TENM4: variants seen among roughly 807,000 people sequenced by gnomAD.
TENM4 encodes the protein teneurin transmembrane protein 4.
A neutral mutation model predicts 243.3 loss-of-function variants in TENM4; 82 were observed. That is an observed-to-expected ratio of 0.34 (90% confidence interval 0.28 to 0.40). TENM4 has a LOEUF of 0.40. Among genes scored for constraint, TENM4 ranks in the 10% least tolerant of loss-of-function variants. The pLI, the probability that TENM4 is intolerant of heterozygous loss-of-function variation, is 1.00. For synonymous variants in TENM4, 1,412 were observed against 1,456.3 expected (o/e 0.97, Z 0.69); for missense variants, 3,138 against 3,673.3 (o/e 0.85, Z 3.77).
intron 1 of TENM4, among the ~76,000 whole-genome samples, chr11:79,415,771 A>T (rs960915876): frequency 6.6e-6 from 1 of 152,224 alleles, no homozygotes; most frequent in African/African-American, 2.4e-5. Flanking sequence ...GTACATGTTT[A>T]AATTGCACAA....
chr11:79,251,548 G>T (rs1855611929), intron 2 of TENM4, among the ~76,000 whole-genome samples: 1 of 152,098 alleles, frequency 6.6e-6, no homozygotes, highest in Admixed American at 6.5e-5. Flanking sequence ...CTTGAATGCA[G>T]GGAAATCCCA....
At position 78,996,862 on chromosome 11, in the gene TENM4, G is replaced by T. The variant is rs549865313; in HGVS notation, c.493+67876C>A. On this transcript the variant is annotated intron_variant, in intron 6 of 33. Transcript: ENST00000278550. ...GGTGGTCTTGTGGAGGGCTCCAGCT[G>T]TAAGGGCCGGGGCATGGTTCCACCT... Among the ~76,000 whole-genome samples, 3 of 152,310 alleles carry T rather than the reference G, an allele frequency of 2.0e-5. No homozygotes were observed. The South Asian group carries it at 6.2e-4, about 32-fold the overall frequency.
rs80121053 is a variant in TENM4, at chr11:79,260,720, T to C, written c.-265+36768A>G. On this transcript the variant is annotated intron_variant, in intron 2 of 33. Transcript: ENST00000278550. ...CTTCTTCCTCCTCAAGCAGCACGCC[T>C]CCGGTGCCAACTCAAGGCTCTCCAA... 1.9e-3 allele frequency among the ~76,000 whole-genome samples: 287 copies of C among 152,242 alleles called. 8 individuals carry two copies. The East Asian group carries it at 0.05, about 27-fold the overall frequency.
chr11:79,190,048 C>G (rs1863449249), intron 3 of TENM4, among the ~76,000 whole-genome samples: 1 of 152,210 alleles, frequency 6.6e-6, no homozygotes, highest in Non-Finnish European at 1.5e-5. Context: ...ACCTTCAGTC[C>G]AAGCAACGTG....
intron 10 of TENM4, among the ~76,000 whole-genome samples, chr11:78,861,875 C>T (rs1288959843): frequency 1.3e-5 from 2 of 152,164 alleles, no homozygotes; most frequent in African/African-American, 4.8e-5. Flanking sequence ...GAAAGCAGGC[C>T]ATAGCAGGTG....
intron 17 of TENM4, among the ~76,000 whole-genome samples, chr11:78,775,797 G>A (rs1415185320): frequency 2.0e-5 from 3 of 152,168 alleles, no homozygotes; most frequent in African/African-American, 7.2e-5. Flanking sequence ...TAATTTTAAA[G>A]TTTAGAGAAG....
chr11:79,196,165 G>A (rs1302473611), intron 3 of TENM4, among the ~76,000 whole-genome samples: 1 of 152,002 alleles, frequency 6.6e-6, no homozygotes, highest in African/African-American at 2.4e-5. Context: ...ACTTCTTTTT[G>A]TTCCCAGTTT....
chr11:78,723,768 G>A (rs1173665376), intron 23 of TENM4, among the ~76,000 whole-genome samples: 1 of 152,210 alleles, frequency 6.6e-6, no homozygotes, highest in African/African-American at 2.4e-5. Context: ...GCCCAAGTGA[G>A]CTGTGCTCTT....
rs375389326 is a variant in TENM4 at position 78,786,947 on chromosome 11, G to T, written c.2316C>A (p.Asp772Glu). Residue 772 changes from aspartate to glutamate, a missense_variant, in exon 16 of 34, where the codon GAC becomes GAA. Around this residue, in one of 2 missense-constraint regions of TENM4, gnomAD observed 2,467 missense variants for 3,059.1 expected, o/e 0.81. Coordinates refer to ENST00000278550, the MANE Select transcript of TENM4 (RefSeq NM_001098816.3). ...PRCAEHGTCRDGKCECSPGWN... is the reference protein window; with the variant it reads ...PRCAEHGTCREGKCECSPGWN... ...AGCCAGGGCTGCACTCGCACTTGCC[G>T]TCGCGGCAGGTCCCATGCTCGGCAC... 6.2e-7 allele frequency: 1 copy of T among 1,603,846 alleles called. No homozygotes were observed. Among genetic ancestry groups the T allele is most frequent in the Non-Finnish European group, 8.5e-7 (1 of 1,175,754 alleles).
At chr11:79,399,839 C>T (rs2135553866) in intron 1 of TENM4, among the ~76,000 whole-genome samples, 1 of 152,170 alleles carries the variant, frequency 6.6e-6, no homozygotes, top group South Asian at 2.1e-4. Context: ...GTTATAAAAC[C>T]TTCCTTGTCG....
At chr11:79,202,061 A>C (rs531425338) in intron 3 of TENM4, among the ~76,000 whole-genome samples, 45 of 152,264 alleles carry the variant, frequency 3.0e-4, no homozygotes, top group Admixed American at 2.7e-3. Context: ...CCACTGACTA[A>C]GATGGGAAGG....
chr11:78,827,060 G>A (rs1402380120), intron 12 of TENM4, among the ~76,000 whole-genome samples: 1 of 152,086 alleles, frequency 6.6e-6, no homozygotes, highest in Non-Finnish European at 1.5e-5. Flanking sequence ...TACTCACTTA[G>A]CATTTTTCAA....
chr11:79,024,585 C>A (rs1212839397), intron 6 of TENM4, among the ~76,000 whole-genome samples: 3 of 152,136 alleles, frequency 2.0e-5, no homozygotes, highest in Non-Finnish European at 2.9e-5. Context: ...CTGCCTAGAT[C>A]ATCTGTGTAC....
At chr11:78,919,375 G>C (rs1049863449) in intron 6 of TENM4, among the ~76,000 whole-genome samples, 8 of 151,442 alleles carry the variant, frequency 5.3e-5, no homozygotes, top group Admixed American at 1.3e-4. Flanking sequence ...CCAAATGCAG[G>C]CTTGTTGATT....
chr11:78,661,668 ACAGTTAGCTG>A, intron 32 of TENM4, 77 bp from the exon 33 acceptor site: 1 of 1,540,016 alleles, frequency 6.5e-7, no homozygotes, highest in Non-Finnish European at 8.8e-7. Flanking sequence ...CTCACAGCCT[ACAGTTAGCTG>A]CAGGGTGTGG....
At position 79,102,282 on chromosome 11, in the gene TENM4, C is replaced by A. The variant is rs144416194; in HGVS notation, c.-65-32273G>T. Reference sequence around the variant, plus strand: ...TCTGTTGCAGTCATACATTGGAAAGCTGGGTTAGACACTTGGAAGAACTTC... The same window carrying A: ...TCTGTTGCAGTCATACATTGGAAAGATGGGTTAGACACTTGGAAGAACTTC... On this transcript the variant is annotated intron_variant, in intron 4 of 33. Coordinates refer to ENST00000278550, the MANE Select transcript of TENM4 (RefSeq NM_001098816.3). Among the ~76,000 whole-genome samples, 886 of 152,258 alleles carry A rather than the reference C, an allele frequency of 5.8e-3. 11 individuals are homozygous for A. Among genetic ancestry groups the A allele is most frequent in the African/African-American group, 0.021 (858 of 41,534 alleles).
chr11:78,918,414 A>G (rs1474774137), intron 6 of TENM4, among the ~76,000 whole-genome samples: 6 of 151,800 alleles, frequency 4.0e-5, no homozygotes, highest in Non-Finnish European at 8.8e-5. Context: ...CAGCTGTGGA[A>G]TATTTTATTT....
At chr11:78,932,580 C>T (rs1856693912) in intron 6 of TENM4, among the ~76,000 whole-genome samples, 1 of 152,148 alleles carries the variant, frequency 6.6e-6, no homozygotes, top group Non-Finnish European at 1.5e-5. Context: ...CTAAAAAATT[C>T]TCTGTTGCAG....
chr11:79,375,389 G>A (rs1001327635), intron 1 of TENM4, among the ~76,000 whole-genome samples: 1 of 152,196 alleles, frequency 6.6e-6, no homozygotes, highest in East Asian at 1.9e-4. Flanking sequence ...AGATTTTCAA[G>A]TGAATATACA....
Sources: allele counts gnomAD v4.1 joint callset (sites outside exome capture counted in the v4.1 genomes callset), GRCh38; gene constraint gnomAD v4.1.1; regional missense constraint gnomAD v4.1.1; transcripts MANE v1.5; gene names NCBI Gene and HGNC (gene_info 2026-07-23, HGNC 2026-07-21).